The following RAB3IP variants were observed in gnomAD, a reference collection of about 807,000 sequenced individuals.
The protein encoded by RAB3IP is rab-3A-interacting protein.
RAB3IP carries 36 observed loss-of-function variants against 59.1 expected under a neutral mutation model. The observed-to-expected ratio is 0.61, with a 90% CI of 0.47 to 0.80. RAB3IP has a LOEUF of 0.80. Among genes scored for constraint, RAB3IP ranks in the 30% least tolerant of loss-of-function variants. The probability of loss-of-function intolerance (pLI) is 0.00; values close to 1 mark genes in which losing one functional copy is unlikely to be tolerated. For missense variants in RAB3IP, 511 were observed against 536.0 expected (o/e 0.95, Z 0.46); for synonymous variants, 207 against 191.2 (o/e 1.08, Z -0.68).
intron 8 of RAB3IP, among the ~76,000 whole-genome samples, chr12:69,807,310 G>GAT (rs1879530249): frequency 1.4e-5 from 2 of 139,114 alleles, no homozygotes; most frequent in East Asian, 2.2e-4. Flanking sequence ...CCTCCCAGAC[G>GAT]GGGCGGCCGG....
At chr12:69,765,204 C>T (rs962508542) in intron 3 of RAB3IP, among the ~76,000 whole-genome samples, 41 of 152,088 alleles carry the variant, frequency 2.7e-4, no homozygotes, top group South Asian at 6.2e-4. Context: ...GAGTGGGCAT[C>T]GTCGTCTTGT....
intron 4 of RAB3IP, among the ~76,000 whole-genome samples, chr12:69,791,197 G>C (rs1178519664): frequency 1.3e-5 from 2 of 152,060 alleles, no homozygotes; most frequent in Non-Finnish European, 2.9e-5. Flanking sequence ...AATTCAAATG[G>C]ATTAAAGACT....
chr12:69,768,511 C>T (rs1872595398), intron 3 of RAB3IP, among the ~76,000 whole-genome samples: 1 of 152,118 alleles, frequency 6.6e-6, no homozygotes, highest in Non-Finnish European at 1.5e-5. Flanking sequence ...GGTGGGGCTG[C>T]TCAGGCTGCT....
chr12:69,763,633 A>G (rs1011396973), intron 3 of RAB3IP, among the ~76,000 whole-genome samples: 3 of 152,076 alleles, frequency 2.0e-5, no homozygotes, highest in Non-Finnish European at 4.4e-5. Flanking sequence ...TTTATTTTAA[A>G]TTTAGGGGGT....
intron 4 of RAB3IP, among the ~76,000 whole-genome samples, chr12:69,791,364 C>T (rs527934644): frequency 6.6e-6 from 1 of 151,940 alleles, no homozygotes; most frequent in East Asian, 1.9e-4. Flanking sequence ...AGCTTCTGCC[C>T]AGCAAAAAAC....
In RAB3IP at chr12:69,771,297, A is replaced by G. The variant is rs1299351262; in HGVS notation, c.511-13423A>G. ...TGTAATCCCAGCACTTTGGAAGGCC[A>G]AAGTGGGAGGATGGCTTGACCACAG... On this transcript the variant is annotated intron_variant, in intron 3 of 10. Coordinates refer to ENST00000247833, the MANE Select transcript of RAB3IP (RefSeq NM_022456.5). 2.6e-5 allele frequency among the ~76,000 whole-genome samples: 4 copies of G among 152,210 alleles called. No individual in the cohort carries two copies. The East Asian group carries it at 7.7e-4, about 29-fold the overall frequency.
intron 3 of RAB3IP, among the ~76,000 whole-genome samples, chr12:69,760,858 T>C (rs1208925282): frequency 1.3e-5 from 2 of 152,222 alleles, no homozygotes; most frequent in Admixed American, 1.3e-4. Context: ...AGCAATGTGA[T>C]TGTGATTTGC....
chr12:69,779,434 C>T (rs997638641), intron 3 of RAB3IP, among the ~76,000 whole-genome samples: 1 of 152,146 alleles, frequency 6.6e-6, no homozygotes, highest in African/African-American at 2.4e-5. Flanking sequence ...CATCTTGGCT[C>T]CTCCTCCCAT....
In RAB3IP at chr12:69,772,558, T is replaced by C. The variant is rs564882002; in HGVS notation, c.511-12162T>C. Among the ~76,000 whole-genome samples, 267 of 152,336 alleles carry C rather than the reference T, an allele frequency of 1.8e-3. 1 individual carries two copies. Among genetic ancestry groups the C allele is most frequent in the African/African-American group, 6.0e-3 (248 of 41,584 alleles). ...GTTTTGACACCTTGCCTTTTACTTT[T>C]AGTGTATCTATTGTAGGATTTTGCT... On this transcript the variant is annotated intron_variant, in intron 3 of 10. Coordinates refer to ENST00000247833, the MANE Select transcript of RAB3IP (RefSeq NM_022456.5).
chr12:69,806,876 C>T (rs1879396014), intron 8 of RAB3IP, among the ~76,000 whole-genome samples: 1 of 152,108 alleles, frequency 6.6e-6, no homozygotes, highest in Non-Finnish European at 1.5e-5. Flanking sequence ...GCACATGTTT[C>T]AGAGAGCACG....
intron 3 of RAB3IP, among the ~76,000 whole-genome samples, chr12:69,762,482 G>T (rs1224415994): frequency 2.0e-5 from 3 of 152,182 alleles, no homozygotes; most frequent in African/African-American, 7.2e-5. Context: ...AATGAGCTGG[G>T]CGAAGTGGCT....
chr12:69,801,503 A>C, intron 7 of RAB3IP, 106 bp from the exon 8 acceptor site: 1 of 554,730 alleles, frequency 1.8e-6, no homozygotes, highest in Non-Finnish European at 3.0e-6. Flanking sequence ...AAGCCAAGCT[A>C]GTGGAACTTT....
chr12:69,807,811 C>G (rs369764520), intron 8 of RAB3IP, among the ~76,000 whole-genome samples: 3 of 146,854 alleles, frequency 2.0e-5, no homozygotes, highest in African/African-American at 7.6e-5. Context: ...CAGGCAGAGG[C>G]GCTCCTCACC....
intron 8 of RAB3IP, among the ~76,000 whole-genome samples, chr12:69,811,405 A>T (rs2136284682): frequency 6.6e-6 from 1 of 152,356 alleles, no homozygotes; most frequent in Non-Finnish European, 1.5e-5. Context: ...AAGTTAAAAA[A>T]AAGAAACACT....
chr12:69,812,641 C>A, intron 8 of RAB3IP, 137 bp from the exon 9 acceptor site: 1 of 626,034 alleles, frequency 1.6e-6, no homozygotes, highest in Admixed American at 3.0e-5. Context: ...CACTTTAGCC[C>A]AGCATCTAGA....
chr12:69,766,528 C>T (rs1025260743), intron 3 of RAB3IP, among the ~76,000 whole-genome samples: 1 of 147,006 alleles, frequency 6.8e-6, no homozygotes, highest in African/African-American at 2.5e-5. Context: ...CTTTTCTTTT[C>T]TTTTTTTTTT....
chr12:69,749,388 C>T (rs1344303979), intron 1 of RAB3IP, among the ~76,000 whole-genome samples: 1 of 152,194 alleles, frequency 6.6e-6, no homozygotes, highest in African/African-American at 2.4e-5. Flanking sequence ...AAATTGTCTT[C>T]CACGAAACTG....
At position 69,815,546 on chromosome 12, in the gene RAB3IP, A is replaced by T; in HGVS notation, c.*100A>T. ...TTTATTTCCAAGGAGTGAGCCTAAGACTTTTTTCCCCTTTTGCAAATTGCT... is the reference window on the plus strand; with the variant it reads ...TTTATTTCCAAGGAGTGAGCCTAAGTCTTTTTTCCCCTTTTGCAAATTGCT... On this transcript the variant is annotated 3_prime_UTR_variant, in exon 11 of 11. Transcript: ENST00000247833. The T allele has an allele frequency of 2.4e-6, 2 of 847,768 alleles. No individual in the cohort carries two copies. Among genetic ancestry groups the T allele is most frequent in the Admixed American group, 4.3e-5 (2 of 46,762 alleles). 52.5% of individuals were successfully genotyped at this position (847,768 alleles called of 1,614,324 possible).
chr12:69,770,295 C>A lies in RAB3IP; in HGVS notation c.510+13632C>A, dbSNP rs545396051. Reference sequence around the variant, plus strand: ...TTCCAGTCCTCCAAATCCGCCCCCCCACCCTGCCGGGGATTCCAAAATCGA... The same window carrying A: ...TTCCAGTCCTCCAAATCCGCCCCCCAACCCTGCCGGGGATTCCAAAATCGA... On this transcript the variant is annotated intron_variant, in intron 3 of 10. Transcript: ENST00000247833. Among the ~76,000 whole-genome samples the A allele has an allele frequency of 2.5e-4, 38 of 152,276 alleles. 1 individual carries two copies. The Middle Eastern group carries it at 0.01, about 41-fold the overall frequency.
Sources: gnomAD v4.1 joint callset for allele counts (sites outside exome capture counted in the v4.1 genomes callset) on GRCh38, gnomAD v4.1.1 for gene constraint, MANE v1.5 for transcripts, NCBI Gene and HGNC (gene_info 2026-07-23, HGNC 2026-07-21) for gene names.